The following GALNTL6 variants were observed in gnomAD, a reference collection of about 807,000 sequenced individuals.
The protein encoded by GALNTL6 is polypeptide N-acetylgalactosaminyltransferase like 6, also known as polypeptide N-acetylgalactosaminyltransferase-like 6.
In GALNTL6, 46 loss-of-function variants were observed where a neutral mutation model predicts 73.7. That is an observed-to-expected ratio of 0.62 (90% CI 0.49 to 0.80). The LOEUF is 0.80. Among genes scored for constraint, GALNTL6 ranks in the 30% least tolerant of loss-of-function variants. The pLI is 0.00. For synonymous variants in GALNTL6, 259 were observed against 263.7 expected, an observed-to-expected ratio of 0.98 and a Z score of 0.17; for missense variants, 604 against 755.0, an observed-to-expected ratio of 0.80 and a Z score of 2.34.
intron 5 of GALNTL6, among the ~76,000 whole-genome samples, chr4:172,480,204 A>G (rs338023): frequency 0.99 from 150,667 of 152,058 alleles, 74,666 homozygotes; most frequent in Middle Eastern, 1. Context: ...CTACTTGAGA[A>G]GCTGAGACAG....
chr4:172,698,826 A>G (rs1733845286), intron 5 of GALNTL6, among the ~76,000 whole-genome samples: 2 of 152,158 alleles, frequency 1.3e-5, no homozygotes, highest in Admixed American at 6.5e-5. Flanking sequence ...TTCTTTTTCT[A>G]ATTTCCAATG....
chr4:172,612,192 G>A (rs566022180), intron 5 of GALNTL6, among the ~76,000 whole-genome samples: 27 of 152,136 alleles, frequency 1.8e-4, no homozygotes, highest in East Asian at 1.7e-3. Context: ...AGTTGGGGGT[G>A]GGGTATCCAA....
chr4:172,194,200 A>C (rs890281018), intron 2 of GALNTL6, among the ~76,000 whole-genome samples: 1 of 152,240 alleles, frequency 6.6e-6, no homozygotes, highest in Non-Finnish European at 1.5e-5. Context: ...AACCACAAGT[A>C]TCAATAGCTG....
intron 5 of GALNTL6, among the ~76,000 whole-genome samples, chr4:172,473,500 C>T (rs959140144): frequency 1.3e-5 from 2 of 152,150 alleles, no homozygotes; most frequent in Non-Finnish European, 2.9e-5. Flanking sequence ...CAACAATGAC[C>T]TCCATGTCAC....
rs183515410 is a variant in GALNTL6, at chr4:171,900,804, T to C, written c.138+86086T>C. Reference sequence around the variant, plus strand: ...CAAAAAACATAGGAGGTTCAAAATATAGGAAGAACCTCTTAAGGTTAGACT... The same window carrying C: ...CAAAAAACATAGGAGGTTCAAAATACAGGAAGAACCTCTTAAGGTTAGACT... On this transcript the variant is annotated intron_variant, in intron 2 of 12. Transcript: ENST00000506823. Among the ~76,000 whole-genome samples the C allele has an allele frequency of 4.6e-5, 7 of 152,244 alleles. No individual in the cohort carries two copies. The East Asian group carries it at 1.4e-3, about 29-fold the overall frequency.
At chr4:172,835,122 C>T (rs1742837602) in intron 7 of GALNTL6, among the ~76,000 whole-genome samples, 1 of 152,182 alleles carries the variant, frequency 6.6e-6, no homozygotes, top group Non-Finnish European at 1.5e-5. Flanking sequence ...CCAGCTTCTG[C>T]CCTACCAAGG....
chr4:172,455,514 TG>T (rs1033915269), intron 5 of GALNTL6, among the ~76,000 whole-genome samples: 3 of 152,070 alleles, frequency 2.0e-5, no homozygotes, highest in Non-Finnish European at 4.4e-5. Context: ...CACTCGAGCT[TG>T]GGTCGGGGAA....
At chr4:172,027,733 G>A (rs12645492) in intron 2 of GALNTL6, among the ~76,000 whole-genome samples, 68,617 of 151,926 alleles carry the variant, frequency 0.45, 15,886 homozygotes, top group Admixed American at 0.54. Flanking sequence ...CAAACAGCTC[G>A]ACAAATAGTG....
chr4:172,205,377 A>G (rs900174906), intron 2 of GALNTL6, among the ~76,000 whole-genome samples: 3 of 152,214 alleles, frequency 2.0e-5, no homozygotes, highest in African/African-American at 7.2e-5. Flanking sequence ...CACAAAGATG[A>G]ACTTTACATA....
At chr4:172,687,994 A>G (rs1236391003) in intron 5 of GALNTL6, among the ~76,000 whole-genome samples, 2 of 152,236 alleles carry the variant, frequency 1.3e-5, no homozygotes, top group African/African-American at 4.8e-5. Flanking sequence ...TGATATTTAA[A>G]GTGAACGGCA....
intron 5 of GALNTL6, among the ~76,000 whole-genome samples, chr4:172,695,138 A>G (rs1288499727): frequency 6.6e-6 from 1 of 152,234 alleles, no homozygotes; most frequent in African/African-American, 2.4e-5. Context: ...TATAAATGTC[A>G]GTCCTCTTTA....
intron 2 of GALNTL6, among the ~76,000 whole-genome samples, chr4:171,957,767 T>C (rs146717499): frequency 6.6e-6 from 1 of 152,288 alleles, no homozygotes; most frequent in East Asian, 1.9e-4. Context: ...GTACAATCCA[T>C]TCTCTCCCTT....
chr4:171,840,883 T>C (rs983340845), intron 2 of GALNTL6, among the ~76,000 whole-genome samples: 4 of 152,204 alleles, frequency 2.6e-5, no homozygotes, highest in African/African-American at 9.6e-5. Context: ...AAATTGGACA[T>C]GCTTATGTAG....
Position 171,852,893 on chromosome 4 carries a change from C to G in GALNTL6, c.138+38175C>G, listed in dbSNP as rs142311031. Among the ~76,000 whole-genome samples the G allele has an allele frequency of 1.2e-4, 18 of 152,002 alleles. 1 individual carries two copies. The highest frequency in any genetic ancestry group is 3.6e-4 in the African/African-American group (15 of 41,466). ...ATGGAGTCTTGCTCTGTCGCCCAGG[C>G]TGGAATGCAGTGGCCCGATCTCGGC... is the stretch of plus-strand genomic sequence containing the variant. On this transcript the variant is annotated intron_variant, in intron 2 of 12. Transcript: ENST00000506823.
chr4:171,925,227 A>G (rs545080309), intron 2 of GALNTL6, among the ~76,000 whole-genome samples: 12 of 152,288 alleles, frequency 7.9e-5, no homozygotes, highest in African/African-American at 2.6e-4. Context: ...CAAGAACTCA[A>G]ATGCCTAGAA....
At chr4:173,023,476 G>A (rs754795154) in intron 12 of GALNTL6, among the ~76,000 whole-genome samples, 3 of 152,114 alleles carry the variant, frequency 2.0e-5, no homozygotes, top group Non-Finnish European at 2.9e-5. Context: ...GGCCAACATG[G>A]TGAAACCCCA....
chr4:172,358,051 A>G (rs1025950911), intron 5 of GALNTL6, among the ~76,000 whole-genome samples: 1 of 152,120 alleles, frequency 6.6e-6, no homozygotes, highest in African/African-American at 2.4e-5. Flanking sequence ...TTTTCCTTTT[A>G]TTTGTCCATT....
intron 2 of GALNTL6, among the ~76,000 whole-genome samples, chr4:172,166,684 A>G (rs1734635016): frequency 6.6e-6 from 1 of 152,152 alleles, no homozygotes; most frequent in Admixed American, 6.6e-5. Flanking sequence ...ATTGATGTTG[A>G]TCTTCCTTAA....
At chr4:172,002,165 G>A (rs1009143467) in intron 2 of GALNTL6, among the ~76,000 whole-genome samples, 1 of 152,162 alleles carries the variant, frequency 6.6e-6, no homozygotes, top group Non-Finnish European at 1.5e-5. Context: ...AAGAGGGTAA[G>A]GAGGTTTAAG....
Sources: gnomAD v4.1 joint callset for allele counts (sites outside exome capture counted in the v4.1 genomes callset) on GRCh38, gnomAD v4.1.1 for gene constraint, MANE v1.5 for transcripts, NCBI Gene and HGNC (gene_info 2026-07-23, HGNC 2026-07-21) for gene names.